ISCU: variants seen among roughly 807,000 people sequenced by gnomAD.
The protein encoded by ISCU is iron-sulfur cluster assembly enzyme, also known as iron-sulfur cluster assembly enzyme ISCU.
Under a neutral mutation model 18.4 loss-of-function variants are expected in ISCU, and 13 were observed. The observed-to-expected ratio is 0.71, with a 90% CI of 0.46 to 1.12. The LOEUF is 1.12. ISCU is among the 50% of genes most tolerant of loss of function. The pLI, the probability that ISCU is intolerant of heterozygous loss-of-function variation, is 0.00. For synonymous variants in ISCU, 104 were observed against 87.5 expected, an observed-to-expected ratio of 1.19 and a Z score of -1.06; for missense variants, 229 against 208.7, an observed-to-expected ratio of 1.10 and a Z score of -0.60.
chr12:108,561,684 T>C (rs1002405147), upstream of ISCU, among the ~76,000 whole-genome samples: 7 of 152,194 alleles, frequency 4.6e-5, no homozygotes, highest in Non-Finnish European at 8.8e-5. Flanking sequence ...TGGTACCTAG[T>C]AGACGTTAAA....
Position 108,568,887 on chromosome 12 carries a change from C to T in ISCU, c.475C>T (p.Pro159Ser), listed in dbSNP as rs113036584. Residue 159 changes from proline to serine, a missense_variant, in exon 5 of 5, where the codon CCC becomes TCC. Pro to Ser is a moderately conservative substitution (Grantham distance 74). Coordinates refer to ENST00000311893, the MANE Select transcript of ISCU (RefSeq NM_213595.4). ...GGCTGATTACAAATTGAAACAAGAA[C>T]CCAAAAAAGGAGAGGCAGAGAAGAA... is the stretch of plus-strand genomic sequence containing the variant. ...ALADYKLKQEPKKGEAEKK is the reference protein window; with the variant it reads ...ALADYKLKQESKKGEAEKK 1.1e-5 allele frequency: 18 copies of T among 1,613,164 alleles called. 1 individual carries two copies. In the South Asian group the frequency reaches 2.0e-4, roughly 18 times the overall value.
At chr12:108,566,901 C>G (rs1032326199) in intron 3 of ISCU, among the ~76,000 whole-genome samples, 3 of 152,202 alleles carry the variant, frequency 2.0e-5, no homozygotes, top group Non-Finnish European at 4.4e-5. Context: ...AGGCCACAAG[C>G]AGATCCCTAA....
chr12:108,565,489 T>A, intron 3 of ISCU, 58 bp downstream of exon 3: 1 of 1,168,708 alleles, frequency 8.6e-7, no homozygotes, highest in Non-Finnish European at 1.3e-6. Context: ...TTTTTTTTAA[T>A]ATTCTAAATT....
At position 108,562,664 on chromosome 12, in the gene ISCU, G is replaced by A. The variant is rs1385544733; in HGVS notation, c.42G>A (p.Ser14=). The A allele has an allele frequency of 6.9e-7, 1 of 1,450,734 alleles. No individual in the cohort carries two copies. The highest frequency in any genetic ancestry group is 9.0e-7 in the Non-Finnish European group (1 of 1,108,396). 89.9% of individuals were successfully genotyped at this position (1,450,734 alleles called of 1,614,324 possible). A position where few individuals can be genotyped will look rare whatever the true frequency, so the allele number is the denominator to read the frequency against. ...CTTTCCGTCTGAGGCGGGCGGCATC[G>A]GCTCTGCTGCTGCGGAGCCCCCGCC... ...AGAFRLRRAA[S]ALLLRSPRLP... is the part of the protein sequence containing the mutation. The change falls in exon 1 of 5, where the codon TCG becomes TCA. Residue 14 remains serine (S), a synonymous_variant. Transcript: ENST00000311893.
intron 1 of ISCU, chr12:108,563,629 C>A: frequency 4.1e-6 from 1 of 241,834 alleles, no homozygotes; most frequent in Non-Finnish European, 8.2e-6. Context: ...CTGGCTTCTG[C>A]CCTTTCTCCA....
rs2030854644 is a variant in ISCU, at chr12:108,565,518, C to CAATATA, written c.339+88_339+89insATATAA. ...CTAAATTTTTAAAATTTCTCCTATG[C>CAATATA]AGATGTTGATTATATTATCATTTCT... On this transcript the variant is annotated intron_variant, in intron 3 of 4. Coordinates refer to ENST00000311893, the MANE Select transcript of ISCU (RefSeq NM_213595.4). The CAATATA allele has an allele frequency of 4.0e-5, 33 of 825,442 alleles. No homozygotes were observed. The South Asian group carries it at 4.6e-4, about 12-fold the overall frequency. 51.1% of individuals were successfully genotyped at this position (825,442 alleles called of 1,614,324 possible).
intron 2 of ISCU, 24 bp from the exon 3 acceptor site, chr12:108,565,297 A>G (rs1426759350): frequency 1.9e-6 from 3 of 1,576,218 alleles, no homozygotes; most frequent in East Asian, 2.2e-5. Context: ...AGGACTCACC[A>G]CTTAACTCTT....
At chr12:108,564,044 T>C (rs1285096158) in intron 1 of ISCU, 10 of 1,484,692 alleles carry the variant, frequency 6.7e-6, no homozygotes, top group Admixed American at 1.7e-5. Flanking sequence ...ATTTCACTGA[T>C]TTTTTTTTCT....
intron 4 of ISCU, chr12:108,568,237 T>C (rs1045464773): frequency 9.1e-6 from 11 of 1,212,426 alleles, no homozygotes; most frequent in African/African-American, 3.1e-5. Flanking sequence ...TTCTCTGTTA[T>C]TTGCTTGCTT....
intron 3 of ISCU, among the ~76,000 whole-genome samples, chr12:108,565,709 G>T (rs2030866785): frequency 6.6e-6 from 1 of 152,014 alleles, no homozygotes. Context: ...TTTCTCTAAG[G>T]TTACCAGTGC....
At position 108,567,417 on chromosome 12, in the gene ISCU, A is replaced by G. The variant is rs1300305355; in HGVS notation, c.418+149A>G. The stretch of plus-strand genomic sequence containing the variant: ...CTGTCCTTATAACCTGCAGAGGGTT[A>G]GAGCCCCCATGGTCTCACATTCATC... On this transcript the variant is annotated intron_variant, in intron 4 of 4. Coordinates refer to ENST00000311893, the MANE Select transcript of ISCU (RefSeq NM_213595.4). 9.1e-6 allele frequency: 7 copies of G among 769,004 alleles called. No individual in the cohort carries two copies. In the Admixed American group the frequency reaches 1.4e-4, roughly 15 times the overall value. 47.6% of individuals were successfully genotyped at this position (769,004 alleles called of 1,614,324 possible).
chr12:108,563,026 T>C (rs761812006), intron 1 of ISCU: 11 of 260,976 alleles, frequency 4.2e-5, no homozygotes, highest in Non-Finnish European at 7.9e-5. Context: ...CTTGTCTTTC[T>C]GAGTCCAGGG....
Position 108,562,612 on chromosome 12 carries a change from A to G in ISCU, c.-11A>G, listed in dbSNP as rs1263029871. The G allele has an allele frequency of 6.3e-6, 9 of 1,439,392 alleles. No individual in the cohort carries two copies. Among genetic ancestry groups the G allele is most frequent in the Non-Finnish European group, 8.2e-6 (9 of 1,094,974 alleles). The allele number at this position is 1,439,392 out of a possible 1,614,324, so 89.2% of individuals were successfully genotyped here. On this transcript the variant is annotated 5_prime_UTR_variant, in exon 1 of 5. Coordinates refer to ENST00000311893, the MANE Select transcript of ISCU (RefSeq NM_213595.4). ...CGTCGCTCTGGACTGGCGCAGGCGCAAGCCGGCAAGATGGCGGCGGCTGGG... is the reference window on the plus strand; with the variant it reads ...CGTCGCTCTGGACTGGCGCAGGCGCGAGCCGGCAAGATGGCGGCGGCTGGG...
chr12:108,565,312 CTT>C lies in ISCU; in HGVS notation c.229-6_229-5del. On this transcript the variant is annotated splice_polypyrimidine_tract_variant and splice_region_variant and intron_variant, in intron 2 of 4. Coordinates refer to ENST00000311893, the MANE Select transcript of ISCU (RefSeq NM_213595.4). Reference sequence around the variant, plus strand: ...AGGACTCACCACTTAACTCTTGTCTCTTTTCTAGATTCAAGTGGATGAAAAGG... The same window carrying C: ...AGGACTCACCACTTAACTCTTGTCTCTTCTAGATTCAAGTGGATGAAAAGG... 6.2e-7 allele frequency: 1 copy of C among 1,607,784 alleles called. No homozygotes were observed. Among genetic ancestry groups the C allele is most frequent in the South Asian group, 1.1e-5 (1 of 90,918 alleles).
chr12:108,564,204 G>A (rs760282325), intron 1 of ISCU, 75 bp from the exon 2 acceptor site: 8 of 1,560,210 alleles, frequency 5.1e-6, no homozygotes, highest in South Asian at 1.1e-5. Context: ...GATGCTGACC[G>A]AGGAGCTTAC....
Position 108,562,641 on chromosome 12 carries a change from TTC to T in ISCU, c.20_21del (p.Phe7SerfsTer34), listed in dbSNP as rs1491577647. The part of the protein sequence containing the change: MAAAGA[F>X]RLRRAASALL... ...CGGCAAGATGGCGGCGGCTGGGGCT[TTC>T]CGTCTGAGGCGGGCGGCATCGGCTC... On this transcript the variant is annotated frameshift_variant, in exon 1 of 5. Transcript: ENST00000311893. LOFTEE classifies it high-confidence loss of function. 10 of 1,476,862 alleles carry T rather than the reference TTC, an allele frequency of 6.8e-6. No homozygotes were observed. Among genetic ancestry groups the T allele is most frequent in the South Asian group, 1.3e-5 (1 of 75,816 alleles). 91.5% of individuals were successfully genotyped at this position (1,476,862 alleles called of 1,614,324 possible). A position where few individuals can be genotyped will look rare whatever the true frequency, so the allele number is the denominator to read the frequency against.
intron 2 of ISCU, chr12:108,564,940 A>C: frequency 3.6e-6 from 1 of 281,166 alleles, no homozygotes; most frequent in Non-Finnish European, 6.7e-6. Context: ...GCTGCCCAAG[A>C]AAAAAGTATT....
chr12:108,567,235 C>T lies in ISCU; in HGVS notation c.385C>T (p.Leu129Phe). 7 of 1,614,088 alleles carry T rather than the reference C, an allele frequency of 4.3e-6. No homozygotes were observed. Among genetic ancestry groups the T allele is most frequent in the South Asian group, 1.1e-5 (1 of 91,086 alleles). ...CAAAAACACAGATATCGCCAAGGAG[C>T]TCTGCCTTCCTCCCGTGAAACTGCA... ...TIKNTDIAKELCLPPVKLHCS... is the reference protein window; with the variant it reads ...TIKNTDIAKEFCLPPVKLHCS... Residue 129 changes from leucine (L) to phenylalanine (F), a missense_variant, in exon 4 of 5, where the codon CTC becomes TTC. By Grantham distance (22) the Leu-to-Phe change is conservative (BLOSUM62 0). Coordinates refer to ENST00000311893, the MANE Select transcript of ISCU (RefSeq NM_213595.4).
intron 1 of ISCU, 59 bp from the exon 2 acceptor site, chr12:108,564,220 A>G: frequency 6.4e-7 from 1 of 1,565,706 alleles, no homozygotes; most frequent in East Asian, 2.2e-5. Flanking sequence ...CTTACCATCA[A>G]ACCAGAGACC....
Sources: gnomAD v4.1 joint callset for allele counts (sites outside exome capture counted in the v4.1 genomes callset) on GRCh38, gnomAD v4.1.1 for gene constraint, MANE v1.5 for transcripts, NCBI Gene and HGNC (gene_info 2026-07-23, HGNC 2026-07-21) for gene names.